The following FRK variants were observed in gnomAD, a reference collection of about 807,000 sequenced individuals.
FRK encodes fyn related Src family tyrosine kinase.
A neutral mutation model predicts 56.4 loss-of-function variants in FRK; 51 were observed. That is an observed-to-expected ratio of 0.90 (90% CI 0.72 to 1.14). FRK has a LOEUF of 1.14. FRK is among the 50% of genes most tolerant of loss of function. FRK has a pLI of 0.00. For synonymous variants in FRK, 245 were observed against 217.9 expected (o/e 1.12, Z -1.10); for missense variants, 570 against 601.4 (o/e 0.95, Z 0.55).
At chr6:115,975,643 T>C (rs966284199) in intron 2 of FRK, among the ~76,000 whole-genome samples, 2 of 152,188 alleles carry the variant, frequency 1.3e-5, no homozygotes, top group Non-Finnish European at 2.9e-5. Flanking sequence ...GCCATTCTTT[T>C]TGTGAAATAC....
chr6:116,025,406 C>CA (rs914653461), intron 1 of FRK, among the ~76,000 whole-genome samples: 2 of 152,010 alleles, frequency 1.3e-5, no homozygotes, highest in African/African-American at 4.8e-5. Context: ...TCACTTTATT[C>CA]AAAAAATGAC....
the FRK span, among the ~76,000 whole-genome samples, chr6:116,100,684 G>A: frequency 2.0e-5 from 3 of 152,174 alleles, no homozygotes; most frequent in African/African-American, 4.8e-5. Flanking sequence ...TGGGGTACCA[G>A]GAGGACGCGA....
chr6:116,083,619 G>A, the FRK span, among the ~76,000 whole-genome samples: 242 of 152,190 alleles, frequency 1.6e-3, no homozygotes, highest in Middle Eastern at 3.4e-3. Flanking sequence ...TGCTGGGCCC[G>A]ACCTCCAGAG....
chr6:115,989,867 T>C (rs1299712624), intron 2 of FRK, among the ~76,000 whole-genome samples: 3 of 151,904 alleles, frequency 2.0e-5, no homozygotes, highest in Non-Finnish European at 4.4e-5. Flanking sequence ...GTCCACACTG[T>C]TTTCCATAGG....
At chr6:116,039,019 A>G (rs1380380740) in intron 1 of FRK, 11 of 739,044 alleles carry the variant, frequency 1.5e-5, no homozygotes, top group South Asian at 5.4e-5. Flanking sequence ...TGCAAAGCCA[A>G]TCGAGGGTCC....
chr6:116,023,296 TAAG>T (rs1775949673), intron 1 of FRK, among the ~76,000 whole-genome samples: 1 of 152,142 alleles, frequency 6.6e-6, no homozygotes, highest in South Asian at 2.1e-4. Context: ...GGTATTTACT[TAAG>T]AAAAATGAAA....
intron 1 of FRK, 23 bp downstream of exon 1, chr6:116,059,945 A>C (rs373834011): frequency 1.2e-4 from 188 of 1,572,450 alleles, no homozygotes; most frequent in Non-Finnish European, 9.4e-5. Context: ...TTCAGAAATT[A>C]AGTATAAGTT....
chr6:116,014,891 A>G (rs1391666535), intron 1 of FRK, among the ~76,000 whole-genome samples: 1 of 152,222 alleles, frequency 6.6e-6, no homozygotes, highest in Non-Finnish European at 1.5e-5. Flanking sequence ...AATTTTCATA[A>G]GGATCTACAG....
intron 1 of FRK, among the ~76,000 whole-genome samples, chr6:116,020,732 T>C (rs190716098): frequency 2.7e-4 from 41 of 152,050 alleles, no homozygotes; most frequent in Admixed American, 2.4e-3. Flanking sequence ...TAAATCGCAA[T>C]GACAAGACAC....
At chr6:116,052,771 C>T (rs1271259016) in intron 1 of FRK, among the ~76,000 whole-genome samples, 3 of 152,026 alleles carry the variant, frequency 2.0e-5, no homozygotes, top group East Asian at 1.9e-4. Context: ...AGAGTGCAGA[C>T]GGTCGAAGAC....
intron 2 of FRK, among the ~76,000 whole-genome samples, chr6:115,999,792 A>T (rs923176855): frequency 1.3e-5 from 2 of 152,216 alleles, no homozygotes; most frequent in Non-Finnish European, 2.9e-5. Flanking sequence ...ATGTGGATAT[A>T]TTGAAAGTCC....
intron 1 of FRK, among the ~76,000 whole-genome samples, chr6:116,008,712 C>G (rs1213377710): frequency 6.6e-6 from 1 of 152,154 alleles, no homozygotes; most frequent in Non-Finnish European, 1.5e-5. Flanking sequence ...TGGAAGGGCA[C>G]ACACCCCAGG....
chr6:115,947,107 G>A (rs1180646717), intron 5 of FRK, among the ~76,000 whole-genome samples: 1 of 152,122 alleles, frequency 6.6e-6, no homozygotes, highest in Non-Finnish European at 1.5e-5. Flanking sequence ...GTGTGGGGTT[G>A]TAATTGACAA....
the FRK span, among the ~76,000 whole-genome samples, chr6:116,067,407 T>A: frequency 6.8e-6 from 1 of 147,868 alleles, no homozygotes; most frequent in East Asian, 1.9e-4. Context: ...TTATTTATTT[T>A]TTGCAGCACT....
At chr6:116,067,355 G>C in the FRK span, among the ~76,000 whole-genome samples, 2 of 151,920 alleles carry the variant, frequency 1.3e-5, no homozygotes. Context: ...AACTATTACA[G>C]CATGTCACTA....
At chr6:115,972,197 A>G (rs985621009) in intron 2 of FRK, among the ~76,000 whole-genome samples, 1 of 151,882 alleles carries the variant, frequency 6.6e-6, no homozygotes, top group African/African-American at 2.4e-5. Context: ...AAAACCCAAA[A>G]CTCCTCCAGA....
At chr6:116,039,239 C>A in intron 1 of FRK, 1 of 1,490,104 alleles carries the variant, frequency 6.7e-7, no homozygotes, top group Non-Finnish European at 9.3e-7. Context: ...GTCGTCCTGG[C>A]CTGCGAGCCT....
intron 4 of FRK, among the ~76,000 whole-genome samples, chr6:115,957,472 C>T (rs1403620047): frequency 1.3e-5 from 2 of 152,186 alleles, no homozygotes; most frequent in Non-Finnish European, 2.9e-5. Context: ...TAAAGGAATA[C>T]TGTCATTTCA....
the FRK span, among the ~76,000 whole-genome samples, chr6:116,086,004 A>G: frequency 6.6e-6 from 1 of 152,148 alleles, no homozygotes; most frequent in African/African-American, 2.4e-5. Flanking sequence ...TGAATGTCCA[A>G]ATGACTTTTT....
Sources: gnomAD v4.1 joint callset for allele counts (sites outside exome capture counted in the v4.1 genomes callset) on GRCh38, gnomAD v4.1.1 for gene constraint, MANE v1.5 for transcripts, NCBI Gene and HGNC (gene_info 2026-07-23, HGNC 2026-07-21) for gene names.